The following WDR7 variants were observed in gnomAD, a reference collection of about 807,000 sequenced individuals.
WDR7 encodes WD repeat domain 7.
A neutral mutation model predicts 169.4 loss-of-function variants in WDR7; 46 were observed. The observed-to-expected ratio is 0.27, with a 90% CI of 0.21 to 0.35. The LOEUF is 0.35. WDR7 is among the 10% of genes least tolerant of loss of function. The probability of loss-of-function intolerance (pLI) is 1.00; values close to 1 mark genes in which losing one functional copy is unlikely to be tolerated. For missense variants in WDR7, 1,534 were observed against 1,859.3 expected (o/e 0.83, Z 3.22); for synonymous variants, 612 against 666.8 (o/e 0.92, Z 1.27).
chr18:56,837,164 A>C (rs1411102430), intron 20 of WDR7, among the ~76,000 whole-genome samples: 2 of 152,230 alleles, frequency 1.3e-5, no homozygotes, highest in African/African-American at 4.8e-5. Flanking sequence ...CTGTCAATAT[A>C]ATTGGCTCTT....
chr18:56,869,489 A>G (rs1031561340), intron 20 of WDR7, among the ~76,000 whole-genome samples: 2 of 152,202 alleles, frequency 1.3e-5, no homozygotes, highest in African/African-American at 2.4e-5. Context: ...AGCAAATTCC[A>G]TATGTTCTGT....
Position 56,697,432 on chromosome 18 carries a change from A to G in WDR7, c.1578+970A>G, listed in dbSNP as rs185361500. On this transcript the variant is annotated intron_variant, in intron 12 of 27. Transcript: ENST00000254442. Reference sequence around the variant, plus strand: ...TATTGGTGGCTTTGTAAGAAATCCTAGTACCAATGTTTCTCATTATTTTTC... The same window carrying G: ...TATTGGTGGCTTTGTAAGAAATCCTGGTACCAATGTTTCTCATTATTTTTC... 1.8e-3 allele frequency among the ~76,000 whole-genome samples: 274 copies of G among 152,312 alleles called. 1 individual carries two copies. Among genetic ancestry groups the G allele is most frequent in the South Asian group, 6.0e-3 (29 of 4,830 alleles).
At chr18:56,996,268 T>C (rs1209642196) in intron 26 of WDR7, among the ~76,000 whole-genome samples, 3 of 152,200 alleles carry the variant, frequency 2.0e-5, no homozygotes, top group Non-Finnish European at 2.9e-5. Context: ...TCTTTTTTCT[T>C]TTTTAGGTGA....
chr18:56,651,905 T>C (rs2024664292), intron 1 of WDR7: 1 of 152,302 alleles, frequency 6.6e-6, no homozygotes, highest in African/African-American at 2.4e-5. Context: ...TGATCGTTGG[T>C]GGTTATTGAC....
intron 1 of WDR7, among the ~76,000 whole-genome samples, chr18:56,664,918 T>C (rs947471566): frequency 1.3e-5 from 2 of 152,184 alleles, no homozygotes; most frequent in Non-Finnish European, 2.9e-5. Context: ...GAAAATATTA[T>C]AGGCTAAAGA....
At chr18:56,738,488 G>A (rs1004573722) in intron 14 of WDR7, among the ~76,000 whole-genome samples, 1 of 152,150 alleles carries the variant, frequency 6.6e-6, no homozygotes, top group Non-Finnish European at 1.5e-5. Context: ...AGCCCAGGAG[G>A]TTGAGGCTGC....
chr18:56,929,764 T>C (rs1387517912), intron 22 of WDR7, among the ~76,000 whole-genome samples: 1 of 152,236 alleles, frequency 6.6e-6, no homozygotes, highest in Non-Finnish European at 1.5e-5. Flanking sequence ...TGCACTTCAT[T>C]GGAATCATAG....
At chr18:56,681,655 C>T (rs987732370) in intron 4 of WDR7, among the ~76,000 whole-genome samples, 2 of 152,192 alleles carry the variant, frequency 1.3e-5, no homozygotes, top group African/African-American at 4.8e-5. Context: ...CTTGGTTACC[C>T]AAGTGAGAGC....
At chr18:56,964,148 A>T (rs546310259) in intron 26 of WDR7, among the ~76,000 whole-genome samples, 22 of 149,808 alleles carry the variant, frequency 1.5e-4, no homozygotes, top group Non-Finnish European at 2.1e-4. Flanking sequence ...GTTGTACTTC[A>T]GGGTATATTT....
intron 21 of WDR7, among the ~76,000 whole-genome samples, chr18:56,892,971 A>G (rs1324144473): frequency 6.6e-6 from 1 of 152,136 alleles, no homozygotes; most frequent in African/African-American, 2.4e-5. Context: ...AAGCAAAATG[A>G]GAACTGTACC....
chr18:56,818,388 A>T (rs758255199), intron 20 of WDR7, among the ~76,000 whole-genome samples: 2 of 152,216 alleles, frequency 1.3e-5, no homozygotes, highest in Non-Finnish European at 2.9e-5. Context: ...TAAGAATGCA[A>T]ATCTAATTTG....
intron 9 of WDR7, among the ~76,000 whole-genome samples, chr18:56,694,026 T>G (rs1412195300): frequency 6.6e-6 from 1 of 151,984 alleles, no homozygotes; most frequent in African/African-American, 2.4e-5. Flanking sequence ...TGTGCCACCA[T>G]GCTGGGCTAA....
chr18:56,758,474 C>G (rs981291329), intron 15 of WDR7, among the ~76,000 whole-genome samples: 8 of 152,132 alleles, frequency 5.3e-5, no homozygotes, highest in Admixed American at 6.5e-5. Context: ...TTTCTTAATG[C>G]CTGAAGACTG....
chr18:56,813,052 G>T, intron 19 of WDR7, among the ~76,000 whole-genome samples: 1 of 128,652 alleles, frequency 7.8e-6, no homozygotes, highest in African/African-American at 2.8e-5. Flanking sequence ...AGGGGGGAGG[G>T]ATAGCATTGG....
At chr18:56,988,554 G>C (rs1217691699) in intron 26 of WDR7, among the ~76,000 whole-genome samples, 3 of 150,242 alleles carry the variant, frequency 2.0e-5, no homozygotes, top group Non-Finnish European at 4.4e-5. Flanking sequence ...TTTTTTAAAG[G>C]TAAGTTTCCT....
chr18:57,019,211 C>G (rs546079466), intron 26 of WDR7, among the ~76,000 whole-genome samples: 116 of 152,212 alleles, frequency 7.6e-4, no homozygotes, highest in African/African-American at 2.8e-3. Flanking sequence ...TGTGTCTGGT[C>G]AACTCTAAGC....
rs1428680104 is a variant in WDR7, at chr18:56,783,163, A to G, written c.3190+1507A>G. Among the ~76,000 whole-genome samples the G allele has an allele frequency of 2.5e-3, 4 of 1,622 alleles. No homozygotes were observed. In the Admixed American group the frequency reaches 0.17, roughly 68 times the overall value. The allele number at this position is 1,622 out of a possible 152,430, so 1.1% of individuals were successfully genotyped here. On this transcript the variant is annotated intron_variant, in intron 19 of 27. Coordinates refer to ENST00000254442, the MANE Select transcript of WDR7 (RefSeq NM_015285.3). ...CTATTTTAATAAAGCAAATTAAGTT[A>G]AAAAAAAAAACAAGGCATCTAGACA... is the stretch of plus-strand genomic sequence containing the variant.
intron 25 of WDR7, among the ~76,000 whole-genome samples, chr18:56,951,640 A>T (rs531242165): frequency 6.6e-6 from 1 of 152,262 alleles, no homozygotes; most frequent in Non-Finnish European, 1.5e-5. Context: ...TACACACGTG[A>T]TGTATATATC....
chr18:56,739,807 C>G (rs1319439988), intron 14 of WDR7, among the ~76,000 whole-genome samples: 2 of 151,162 alleles, frequency 1.3e-5, no homozygotes, highest in Non-Finnish European at 2.9e-5. Context: ...TTGGATCCCC[C>G]CATTGCTATT....
Sources: allele counts gnomAD v4.1 joint callset (sites outside exome capture counted in the v4.1 genomes callset), GRCh38; gene constraint gnomAD v4.1.1; transcripts MANE v1.5; gene names NCBI Gene and HGNC (gene_info 2026-07-23, HGNC 2026-07-21).